TMEM131L: variants seen among roughly 807,000 people sequenced by gnomAD.
TMEM131L encodes the protein transmembrane 131 like, also known as transmembrane protein 131-like.
TMEM131L carries 54 observed loss-of-function variants against 192.2 expected under a neutral mutation model. The ratio of observed to expected loss-of-function variants is 0.28; its 90% CI spans 0.23 to 0.35. TMEM131L has a LOEUF of 0.35. Ranked by LOEUF, TMEM131L falls within the 10% of genes least tolerant of loss-of-function variation. The pLI, the probability that TMEM131L is intolerant of heterozygous loss-of-function variation, is 1.00. For synonymous variants in TMEM131L, 701 were observed against 704.9 expected (o/e 0.99, Z 0.09); for missense variants, 1,888 against 1,972.9 (o/e 0.96, Z 0.82).
intron 3 of TMEM131L, among the ~76,000 whole-genome samples, chr4:153,507,017 A>G (rs1458233858): frequency 6.6e-6 from 1 of 152,140 alleles, no homozygotes; most frequent in Non-Finnish European, 1.5e-5. Context: ...TTAGAAGTGG[A>G]TACTGAGACA....
At chr4:153,549,678 T>C (rs555759883) in intron 3 of TMEM131L, among the ~76,000 whole-genome samples, 1 of 152,336 alleles carries the variant, frequency 6.6e-6, no homozygotes, top group South Asian at 2.1e-4. Context: ...CCTTGCCTTG[T>C]TATAAGAAGT....
In TMEM131L at chr4:153,603,848, G is replaced by T; in HGVS notation, c.2836G>T (p.Gly946Cys). 1 of 1,611,788 alleles carries T rather than the reference G, an allele frequency of 6.2e-7. No individual in the cohort carries two copies. The highest frequency in any genetic ancestry group is 8.5e-7 in the Non-Finnish European group (1 of 1,179,276). ...CGATACATATGGCCCCTCTGATAAA[G>T]GCAGGGGGAAGAACTGCCTTCCAGT... ...FLDTYGPSDK[G>C]RGKNCLPVNT... The change falls in exon 25 of 35, where the codon GGC (glycine) becomes TGC (cysteine). Residue 946 changes from glycine (G) to cysteine (C), a missense_variant. Transcript: ENST00000409959.
chr4:153,506,285 GTT>G (rs1733978390), intron 3 of TMEM131L, among the ~76,000 whole-genome samples: 1 of 152,146 alleles, frequency 6.6e-6, no homozygotes, highest in South Asian at 2.1e-4. Context: ...AGATCGTATG[GTT>G]TACGGGGACA....
chr4:153,606,304 A>G (rs139904254), intron 25 of TMEM131L, among the ~76,000 whole-genome samples: 2 of 152,334 alleles, frequency 1.3e-5, no homozygotes, highest in African/African-American at 4.8e-5. Context: ...ACTTGAAATT[A>G]GAGTTGAGGG....
At chr4:153,621,915 CTAA>C (rs1181590538) in intron 28 of TMEM131L, 66 bp downstream of exon 28, 2 of 1,468,826 alleles carry the variant, frequency 1.4e-6, no homozygotes, top group Admixed American at 3.6e-5. Flanking sequence ...AATGAAGTAT[CTAA>C]TAAGAGAAAT....
At position 153,480,749 on chromosome 4, in the gene TMEM131L, T is replaced by C. The variant is rs1053910357; in HGVS notation, c.239+6861T>C. ...TATTTGTTGCTCTGTTGGCTTTTTA[T>C]ATACTCTCTATATAGAAGGAAGTTG... On this transcript the variant is annotated intron_variant, in intron 3 of 34. Coordinates refer to ENST00000409959, the MANE Select transcript of TMEM131L (RefSeq NM_001131007.2). Among the ~76,000 whole-genome samples, 6 of 152,316 alleles carry C rather than the reference T, an allele frequency of 3.9e-5. No homozygotes were observed. In the East Asian group the frequency reaches 7.7e-4, roughly 20 times the overall value.
intron 28 of TMEM131L, among the ~76,000 whole-genome samples, chr4:153,622,576 C>G (rs1035494916): frequency 1.3e-5 from 2 of 152,226 alleles, no homozygotes; most frequent in Non-Finnish European, 2.9e-5. Flanking sequence ...CTATGAATCT[C>G]TGGTGCAATA....
intron 9 of TMEM131L, among the ~76,000 whole-genome samples, chr4:153,582,277 C>T (rs577804831): frequency 6.6e-6 from 1 of 151,852 alleles, no homozygotes; most frequent in East Asian, 1.9e-4. Flanking sequence ...CAGGATTTTG[C>T]TGTGTAGCCC....
chr4:153,532,822 G>C (rs1366272536), intron 3 of TMEM131L, among the ~76,000 whole-genome samples: 1 of 151,918 alleles, frequency 6.6e-6, no homozygotes, highest in South Asian at 2.1e-4. Context: ...TTAGTTGCTG[G>C]GTTCATGTAC....
chr4:153,540,359 A>C (rs1014863895), intron 3 of TMEM131L, among the ~76,000 whole-genome samples: 2 of 152,124 alleles, frequency 1.3e-5, no homozygotes, highest in African/African-American at 4.8e-5. Flanking sequence ...GCCTTACCTG[A>C]AGACAGCACG....
chr4:153,603,712 T>C, intron 24 of TMEM131L, 90 bp from the exon 25 acceptor site: 1 of 1,375,320 alleles, frequency 7.3e-7, no homozygotes, highest in South Asian at 1.4e-5. Flanking sequence ...TCAGTACTGA[T>C]TGCTACCCTT....
intron 7 of TMEM131L, among the ~76,000 whole-genome samples, chr4:153,579,194 C>G (rs971095082): frequency 4.0e-5 from 6 of 151,672 alleles, no homozygotes; most frequent in Non-Finnish European, 8.8e-5. Context: ...AGCTCCGTCT[C>G]TATAAAAAAT....
chr4:153,631,606 C>A (rs927793701), intron 31 of TMEM131L, among the ~76,000 whole-genome samples: 1 of 152,204 alleles, frequency 6.6e-6, no homozygotes, highest in Non-Finnish European at 1.5e-5. Flanking sequence ...GAGGCTTTTG[C>A]TTAGCAAACA....
intron 3 of TMEM131L, among the ~76,000 whole-genome samples, chr4:153,543,845 G>T (rs1736975568): frequency 6.6e-6 from 1 of 152,214 alleles, no homozygotes; most frequent in East Asian, 1.9e-4. Flanking sequence ...AGCATTTCCA[G>T]CTGTGGGATC....
At chr4:153,486,788 A>C (rs943999016) in intron 3 of TMEM131L, among the ~76,000 whole-genome samples, 3 of 152,188 alleles carry the variant, frequency 2.0e-5, no homozygotes, top group Admixed American at 6.5e-5. Context: ...ACGCCTGTGG[A>C]GTGGTGGAAC....
intron 14 of TMEM131L, among the ~76,000 whole-genome samples, chr4:153,586,830 G>A (rs1730732811): frequency 6.6e-6 from 1 of 152,120 alleles, no homozygotes; most frequent in Non-Finnish European, 1.5e-5. Flanking sequence ...TATAAAGCCT[G>A]AAAAGATTCA....
rs372541569 is a variant in TMEM131L, at chr4:153,585,504, C to G, written c.1204C>G (p.His402Asp). 6.2e-7 allele frequency: 1 copy of G among 1,613,906 alleles called. No individual in the cohort carries two copies. Among genetic ancestry groups the G allele is most frequent in the African/African-American group, 1.3e-5 (1 of 74,918 alleles). The stretch of plus-strand genomic sequence containing the variant: ...TGCAACCCAGTTTCACATAGAGACT[C>G]ATGAGAACACATCAGGACTTTGGTC... ...SSATQFHIET[H>D]ENTSGLWSIW... Residue 402 changes from histidine to aspartate, a missense_variant, in exon 13 of 35, where the codon CAT becomes GAT. Coordinates refer to ENST00000409959, the MANE Select transcript of TMEM131L (RefSeq NM_001131007.2).
At chr4:153,470,200 G>T (rs1731056269) in intron 2 of TMEM131L, among the ~76,000 whole-genome samples, 1 of 152,026 alleles carries the variant, frequency 6.6e-6, no homozygotes, top group Non-Finnish European at 1.5e-5. Flanking sequence ...TGTTTGTCCT[G>T]TTTTCTCATC....
intron 7 of TMEM131L, among the ~76,000 whole-genome samples, chr4:153,572,974 T>C (rs900008591): frequency 6.6e-6 from 1 of 152,242 alleles, no homozygotes; most frequent in African/African-American, 2.4e-5. Flanking sequence ...TCCCTTTGTG[T>C]TTGGTTTATT....
Sources: gnomAD v4.1 joint callset for allele counts (sites outside exome capture counted in the v4.1 genomes callset) on GRCh38, gnomAD v4.1.1 for gene constraint, MANE v1.5 for transcripts, NCBI Gene and HGNC (gene_info 2026-07-23, HGNC 2026-07-21) for gene names.